SOX6: variants seen among roughly 807,000 people sequenced by gnomAD.
SOX6 encodes transcription factor SOX-6.
SOX6 carries 11 observed loss-of-function variants against 97.8 expected under a neutral mutation model. That is an observed-to-expected ratio of 0.11 (90% confidence interval 0.07 to 0.19). The LOEUF (loss-of-function observed/expected upper bound fraction) is 0.19, where lower values mean the gene tolerates loss of function less well. Among genes scored for constraint, SOX6 ranks in the 10% least tolerant of loss-of-function variants. The pLI is 1.00. For missense variants in SOX6, 810 were observed against 1,039.5 expected (o/e 0.78, Z 3.04); for synonymous variants, 360 against 371.4 (o/e 0.97, Z 0.35).
intron 12 of SOX6, among the ~76,000 whole-genome samples, chr11:16,022,795 T>A (rs1305399778): frequency 6.6e-6 from 1 of 152,166 alleles, no homozygotes; most frequent in African/African-American, 2.4e-5. Context: ...AGGAGCTGGA[T>A]AATTATTCAC....
chr11:16,007,489 G>A (rs1854590233), intron 13 of SOX6, among the ~76,000 whole-genome samples: 2 of 152,008 alleles, frequency 1.3e-5, no homozygotes, highest in South Asian at 2.1e-4. Flanking sequence ...GGACTGGGTG[G>A]GTACTGACTC....
chr11:16,618,204 AT>A (rs1415657543), intron 3 of SOX6, among the ~76,000 whole-genome samples: 1 of 151,856 alleles, frequency 6.6e-6, no homozygotes, highest in Admixed American at 6.6e-5. Context: ...CTCAAAATTA[AT>A]TTGTTATTTA....
intron 1 of SOX6, among the ~76,000 whole-genome samples, chr11:16,367,923 C>T (rs547916642): frequency 6.6e-6 from 1 of 151,996 alleles, no homozygotes; most frequent in Non-Finnish European, 1.5e-5. Context: ...TTCTTGGAAA[C>T]TGAAACTTTA....
At chr11:16,614,599 C>G (rs1242104648) in intron 3 of SOX6, among the ~76,000 whole-genome samples, 1 of 152,214 alleles carries the variant, frequency 6.6e-6, no homozygotes, top group Non-Finnish European at 1.5e-5. Flanking sequence ...CCTATATTCA[C>G]GCCTTGCACT....
chr11:16,439,233 T>C (rs1162371184), intron 1 of SOX6, among the ~76,000 whole-genome samples: 2 of 152,200 alleles, frequency 1.3e-5, no homozygotes, highest in Non-Finnish European at 2.9e-5. Context: ...GTAAAGGGAA[T>C]GTAATGCAGA....
At chr11:16,514,274 T>C (rs936417286) in intron 4 of SOX6, among the ~76,000 whole-genome samples, 7 of 150,626 alleles carry the variant, frequency 4.6e-5, no homozygotes, top group Non-Finnish European at 7.4e-5. Context: ...TATTGTTACA[T>C]GTTCTTTAAA....
intron 2 of SOX6, among the ~76,000 whole-genome samples, chr11:16,340,650 A>T (rs1288051285): frequency 6.6e-6 from 1 of 152,130 alleles, no homozygotes; most frequent in African/African-American, 2.4e-5. Context: ...TTGCTTAATT[A>T]AATTTTTCAA....
At chr11:16,702,040 C>T (rs1312222112) in intron 3 of SOX6, among the ~76,000 whole-genome samples, 1 of 152,162 alleles carries the variant, frequency 6.6e-6, no homozygotes, top group African/African-American at 2.4e-5. Flanking sequence ...GCATGTGTAT[C>T]ACAACAATAC....
intron 4 of SOX6, among the ~76,000 whole-genome samples, chr11:16,231,470 T>A (rs1363512219): frequency 6.6e-6 from 1 of 151,756 alleles, no homozygotes; most frequent in East Asian, 1.9e-4. Flanking sequence ...AAGAAATTTT[T>A]AAATTAATAA....
intron 4 of SOX6, among the ~76,000 whole-genome samples, chr11:16,198,931 C>A (rs180753249): frequency 6.6e-6 from 1 of 152,178 alleles, no homozygotes; most frequent in East Asian, 1.9e-4. Context: ...AATGATAAGC[C>A]ACAATGTATA....
At chr11:16,271,631 T>A (rs1854261616) in intron 3 of SOX6, among the ~76,000 whole-genome samples, 1 of 151,530 alleles carries the variant, frequency 6.6e-6, no homozygotes, top group Non-Finnish European at 1.5e-5. Flanking sequence ...ACATTGGTTT[T>A]CAAATTTATT....
chr11:16,406,337 C>G (rs566308028), intron 1 of SOX6, among the ~76,000 whole-genome samples: 11 of 152,010 alleles, frequency 7.2e-5, no homozygotes, highest in Non-Finnish European at 1.5e-4. Flanking sequence ...GTTTAACCAC[C>G]CCAAAACTTA....
chr11:15,989,863 A>G (rs1046738183), intron 13 of SOX6, among the ~76,000 whole-genome samples: 2 of 152,216 alleles, frequency 1.3e-5, no homozygotes, highest in Non-Finnish European at 2.9e-5. Context: ...CAGAGTAAGG[A>G]CAGACAATTA....
At chr11:16,174,751 A>G (rs1851138751) in intron 6 of SOX6, among the ~76,000 whole-genome samples, 1 of 151,892 alleles carries the variant, frequency 6.6e-6, no homozygotes, top group Non-Finnish European at 1.5e-5. Context: ...TTTCAGCAAG[A>G]AGGACTTTTG....
chr11:16,734,093 CA>C (rs1472389820), intron 2 of SOX6, among the ~76,000 whole-genome samples: 2 of 150,208 alleles, frequency 1.3e-5, no homozygotes, highest in Non-Finnish European at 1.5e-5. Context: ...TTAAGCAATA[CA>C]TTTTTCATTT....
chr11:16,030,069 C>T (rs946835788), intron 12 of SOX6, among the ~76,000 whole-genome samples: 1 of 152,172 alleles, frequency 6.6e-6, no homozygotes, highest in South Asian at 2.1e-4. Context: ...AACTTCTCGA[C>T]TGCTTCGGGA....
At chr11:16,664,500 CA>C (rs1275188062) in intron 3 of SOX6, among the ~76,000 whole-genome samples, 1 of 152,182 alleles carries the variant, frequency 6.6e-6, no homozygotes, top group Non-Finnish European at 1.5e-5. Flanking sequence ...GCATTTAGAC[CA>C]GAACTAGCCA....
intron 15 of SOX6, among the ~76,000 whole-genome samples, chr11:15,973,590 T>C (rs940227915): frequency 3.3e-5 from 5 of 152,328 alleles, no homozygotes; most frequent in African/African-American, 1.2e-4. Context: ...GGACCTAGCA[T>C]GTCCCAAAGA....
chr11:16,064,071 AG>A (rs981488435), intron 9 of SOX6, among the ~76,000 whole-genome samples: 14 of 151,750 alleles, frequency 9.2e-5, no homozygotes, highest in Non-Finnish European at 1.3e-4. Flanking sequence ...CAAATGGACA[AG>A]AAAGAGGTAA....
Sources: gnomAD v4.1 joint callset for allele counts (sites outside exome capture counted in the v4.1 genomes callset) on GRCh38, gnomAD v4.1.1 for gene constraint, MANE v1.5 for transcripts, NCBI Gene and HGNC (gene_info 2026-07-23, HGNC 2026-07-21) for gene names.